PDGFD: variants seen among roughly 807,000 people sequenced by gnomAD.
PDGFD encodes the protein platelet derived growth factor D.
In PDGFD, 30 loss-of-function variants were observed where a neutral mutation model predicts 44.7. The observed-to-expected ratio is 0.67, with a 90% CI of 0.50 to 0.91. The LOEUF (loss-of-function observed/expected upper bound fraction) is 0.91. Ranked by LOEUF, PDGFD falls within the 40% of genes least tolerant of loss-of-function variation. PDGFD has a pLI of 0.00. For missense variants in PDGFD, 445 were observed against 457.8 expected, an observed-to-expected ratio of 0.97 and a Z score of 0.25; for synonymous variants, 173 against 168.4, an observed-to-expected ratio of 1.03 and a Z score of -0.21.
intron 1 of PDGFD, chr11:104,036,990 G>C (rs1860250914): frequency 1.9e-6 from 3 of 1,614,256 alleles, no homozygotes; most frequent in Non-Finnish European, 2.5e-6. Flanking sequence ...TCCTCATCGA[G>C]GACCACTGTT....
intron 1 of PDGFD, among the ~76,000 whole-genome samples, chr11:104,076,167 TC>T (rs1262832172): frequency 6.6e-6 from 1 of 152,098 alleles, no homozygotes; most frequent in Non-Finnish European, 1.5e-5. Context: ...GTTCCTTTTT[TC>T]CCCCTCACAT....
At chr11:104,101,563 T>C (rs929322344) in intron 1 of PDGFD, among the ~76,000 whole-genome samples, 3 of 152,104 alleles carry the variant, frequency 2.0e-5, no homozygotes, top group Non-Finnish European at 4.4e-5. Context: ...CTTCACAGAA[T>C]TGGAAAAAAC....
In PDGFD at chr11:104,103,064, A is replaced by G. The variant is rs1861417658; in HGVS notation, c.124+60740T>C. Among the ~76,000 whole-genome samples the G allele has an allele frequency of 2.0e-5, 3 of 152,174 alleles. No individual in the cohort carries two copies. In the South Asian group the frequency reaches 6.2e-4, roughly 31 times the overall value. ...TGCACGTTGTGCACATGTACCCTAC[A>G]CTACAAAGCTTCAAATCCCTATTCC... is the stretch of plus-strand genomic sequence containing the variant. On this transcript the variant is annotated intron_variant, in intron 1 of 6. Transcript: ENST00000393158.
At chr11:103,955,329 C>T (rs1298685930) in intron 3 of PDGFD, among the ~76,000 whole-genome samples, 2 of 152,002 alleles carry the variant, frequency 1.3e-5, no homozygotes, top group Non-Finnish European at 2.9e-5. Flanking sequence ...AACTTGGAGG[C>T]CTGTGTCCTG....
intron 1 of PDGFD, among the ~76,000 whole-genome samples, chr11:104,152,679 T>C (rs1350807879): frequency 6.6e-6 from 1 of 152,098 alleles, no homozygotes; most frequent in East Asian, 1.9e-4. Context: ...TTGGTTTGGC[T>C]TTTTTTAAAA....
chr11:104,095,066 T>G (rs1050846479), intron 1 of PDGFD, among the ~76,000 whole-genome samples: 29 of 152,242 alleles, frequency 1.9e-4, no homozygotes, highest in African/African-American at 6.7e-4. Flanking sequence ...TGGACGTATC[T>G]TCCCTTCTCT....
At chr11:104,043,014 C>T (rs948229175) in intron 1 of PDGFD, among the ~76,000 whole-genome samples, 3 of 151,772 alleles carry the variant, frequency 2.0e-5, no homozygotes, top group African/African-American at 7.3e-5. Flanking sequence ...TGTCATTGGC[C>T]AATATCATGC....
intron 1 of PDGFD, among the ~76,000 whole-genome samples, chr11:104,045,962 G>A (rs781606666): frequency 1.4e-5 from 2 of 146,850 alleles, no homozygotes; most frequent in African/African-American, 5.0e-5. Context: ...GAACTGTAAA[G>A]AGTCCAGAAA....
At chr11:104,024,237 T>C (rs1860007075) in intron 1 of PDGFD, among the ~76,000 whole-genome samples, 1 of 152,050 alleles carries the variant, frequency 6.6e-6, no homozygotes, top group Non-Finnish European at 1.5e-5. Flanking sequence ...TCTCCAAGTA[T>C]AGGCTTTAAG....
At chr11:104,123,004 T>C (rs4755009) in intron 1 of PDGFD, among the ~76,000 whole-genome samples, 12,220 of 152,162 alleles carry the variant, frequency 0.08, 640 homozygotes, top group East Asian at 0.24. Context: ...TTTTTGTCCC[T>C]ACTAATGTTA....
rs138228968 is a variant in PDGFD, at chr11:104,137,168, C to T, written c.124+26636G>A. On this transcript the variant is annotated intron_variant, in intron 1 of 6. Coordinates refer to ENST00000393158, the MANE Select transcript of PDGFD (RefSeq NM_025208.5). The stretch of plus-strand genomic sequence containing the variant: ...ACTAACAGTATTGTCAATAATAAGT[C>T]CATTTTTAAATCTTTCTGTTGTTTA... Among the ~76,000 whole-genome samples, 404 of 152,210 alleles carry T rather than the reference C, an allele frequency of 2.7e-3. 3 individuals carry two copies. Among genetic ancestry groups the T allele is most frequent in the African/African-American group, 9.3e-3 (387 of 41,534 alleles).
At chr11:104,007,887 G>A (rs1007951232) in intron 1 of PDGFD, among the ~76,000 whole-genome samples, 13 of 151,952 alleles carry the variant, frequency 8.6e-5, no homozygotes, top group Non-Finnish European at 1.6e-4. Context: ...CACCCATTTT[G>A]CAAGTCCATC....
At chr11:104,042,185 A>G (rs918685935) in intron 1 of PDGFD, among the ~76,000 whole-genome samples, 2 of 152,260 alleles carry the variant, frequency 1.3e-5, no homozygotes, top group Non-Finnish European at 2.9e-5. Context: ...ACCGATTTAT[A>G]TGGTGGGAAC....
chr11:104,078,602 T>C (rs1450157859), intron 1 of PDGFD, among the ~76,000 whole-genome samples: 1 of 53,138 alleles, frequency 1.9e-5, no homozygotes, highest in Non-Finnish European at 3.1e-5. Flanking sequence ...GTGTTTCATG[T>C]GATTTAGTTC....
intron 5 of PDGFD, among the ~76,000 whole-genome samples, chr11:103,938,926 G>T (rs1277007633): frequency 2.0e-5 from 3 of 152,130 alleles, no homozygotes; most frequent in Non-Finnish European, 4.4e-5. Context: ...CTCTGTTTTG[G>T]TACCAGTACC....
At chr11:103,984,818 A>C (rs1348221684) in intron 3 of PDGFD, among the ~76,000 whole-genome samples, 2 of 143,740 alleles carry the variant, frequency 1.4e-5, no homozygotes, top group Admixed American at 7.2e-5. Flanking sequence ...ATTTATATTT[A>C]TTTAATATAT....
At chr11:103,998,401 C>T (rs1186487061) in intron 2 of PDGFD, among the ~76,000 whole-genome samples, 1 of 152,146 alleles carries the variant, frequency 6.6e-6, no homozygotes, top group East Asian at 1.9e-4. Context: ...AGATGGAGTT[C>T]AATCACCAAT....
At chr11:104,049,552 G>T (rs374946685) in intron 1 of PDGFD, among the ~76,000 whole-genome samples, 52 of 151,458 alleles carry the variant, frequency 3.4e-4, no homozygotes, top group African/African-American at 1.2e-3. Flanking sequence ...TTTTTGTTTT[G>T]TTTTGTTTTG....
At chr11:103,919,633 C>G (rs541096738) in intron 6 of PDGFD, among the ~76,000 whole-genome samples, 3 of 151,676 alleles carry the variant, frequency 2.0e-5, no homozygotes, top group Non-Finnish European at 4.4e-5. Context: ...CTCAGCCTCC[C>G]AAGTAGCTGG....
Sources: gnomAD v4.1 joint callset for allele counts (sites outside exome capture counted in the v4.1 genomes callset) on GRCh38, gnomAD v4.1.1 for gene constraint, MANE v1.5 for transcripts, NCBI Gene and HGNC (gene_info 2026-07-23, HGNC 2026-07-21) for gene names.